DGCR2: variants seen among roughly 807,000 people sequenced by gnomAD.
DGCR2 encodes integral membrane protein DGCR2/IDD.
DGCR2 carries 24 observed loss-of-function variants against 51.6 expected under a neutral mutation model. That is an observed-to-expected ratio of 0.47 (90% CI 0.34 to 0.65). DGCR2 has a LOEUF of 0.65. DGCR2 is among the 30% of genes least tolerant of loss of function. DGCR2 has a pLI of 0.01. For missense variants in DGCR2, 765 were observed against 772.1 expected (o/e 0.99, Z 0.11); for synonymous variants, 340 against 315.4 (o/e 1.08, Z -0.82).
chr22:19,042,097 G>A (rs2082439594), intron 7 of DGCR2, 138 bp from the exon 8 acceptor site: 2 of 1,034,518 alleles, frequency 1.9e-6, no homozygotes, highest in South Asian at 1.7e-5. Context: ...CCATCTTTAG[G>A]ATACATGTGA....
chr22:19,109,362 A>G (rs2083291410), intron 1 of DGCR2, among the ~76,000 whole-genome samples: 1 of 152,206 alleles, frequency 6.6e-6, no homozygotes, highest in Admixed American at 6.5e-5. Flanking sequence ...TGCTCACAGA[A>G]GTACTACTCA....
Position 19,062,779 on chromosome 22 carries a change from A to ACTCTCTCTCTCTCTCTCTCTCTCTCT in DGCR2, c.625+397_625+422dup, listed in dbSNP as rs11471797. On this transcript the variant is annotated intron_variant, in intron 5 of 9. Coordinates refer to ENST00000263196, the MANE Select transcript of DGCR2 (RefSeq NM_005137.3). Reference sequence around the variant, plus strand: ...TGCGCACACACACACATGCATGCTCACTCTCTCTCTCTCTCTCTCTCTCTC... The same window carrying ACTCTCTCTCTCTCTCTCTCTCTCTCT: ...TGCGCACACACACACATGCATGCTCACTCTCTCTCTCTCTCTCTCTCTCTCTCTCTCTCTCTCTCTCTCTCTCTCTC... Among the ~76,000 whole-genome samples, 152 of 127,420 alleles carry ACTCTCTCTCTCTCTCTCTCTCTCTCT rather than the reference A, an allele frequency of 1.2e-3. 1 individual carries two copies. The highest frequency in any genetic ancestry group is 5.5e-3 in the South Asian group (19 of 3,476). 83.6% of individuals were successfully genotyped at this position (127,420 alleles called of 152,430 possible). A position where few individuals can be genotyped will look rare whatever the true frequency, so the allele number is the denominator to read the frequency against.
intron 1 of DGCR2, among the ~76,000 whole-genome samples, chr22:19,105,183 C>T (rs897595780): frequency 2.0e-5 from 3 of 152,122 alleles, no homozygotes; most frequent in Admixed American, 1.3e-4. Context: ...ATTAGCTGGG[C>T]GTGGTGGCGC....
intron 2 of DGCR2, among the ~76,000 whole-genome samples, chr22:19,083,187 G>C (rs1324661216): frequency 1.3e-5 from 2 of 152,170 alleles, no homozygotes; most frequent in Non-Finnish European, 2.9e-5. Context: ...TGTATGTTGT[G>C]AGTTAGGGAT....
At chr22:19,117,204 CAG>C (rs2083382541) in intron 1 of DGCR2, among the ~76,000 whole-genome samples, 1 of 152,218 alleles carries the variant, frequency 6.6e-6, no homozygotes, top group East Asian at 1.9e-4. Context: ...TATAATCACT[CAG>C]TACTCTGGGA....
At chr22:19,074,506 C>T (rs1367037080) in intron 2 of DGCR2, among the ~76,000 whole-genome samples, 1 of 151,862 alleles carries the variant, frequency 6.6e-6, no homozygotes, top group African/African-American at 2.4e-5. Context: ...GCACTGAAAG[C>T]AGGCAAGACC....
intron 1 of DGCR2, among the ~76,000 whole-genome samples, chr22:19,113,964 C>G (rs2083345353): frequency 6.7e-6 from 1 of 148,818 alleles, no homozygotes; most frequent in Admixed American, 6.9e-5. Flanking sequence ...GAGGTTGAGG[C>G]AGCATAATCA....
At chr22:19,112,616 G>A (rs1296987511) in intron 1 of DGCR2, among the ~76,000 whole-genome samples, 5 of 143,342 alleles carry the variant, frequency 3.5e-5, no homozygotes, top group Non-Finnish European at 7.7e-5. Context: ...GCTAATTTTT[G>A]TAGTTTTTGC....
intron 1 of DGCR2, among the ~76,000 whole-genome samples, chr22:19,114,067 A>G (rs1336682045): frequency 6.8e-5 from 5 of 73,498 alleles, no homozygotes; most frequent in African/African-American, 2.7e-4. Flanking sequence ...TTGAGGAAAA[A>G]AAAAAAAAAA....
intron 2 of DGCR2, among the ~76,000 whole-genome samples, chr22:19,074,759 G>C (rs533735240): frequency 5.9e-5 from 9 of 152,246 alleles, no homozygotes; most frequent in African/African-American, 2.2e-4. Flanking sequence ...AAAATTTGAA[G>C]TAGACAATCA....
At chr22:19,096,045 T>C (rs1258252674) in intron 1 of DGCR2, among the ~76,000 whole-genome samples, 1 of 152,180 alleles carries the variant, frequency 6.6e-6, no homozygotes, top group Non-Finnish European at 1.5e-5. Context: ...AATCAGCAAT[T>C]GGGACATGCT....
rs116548381 is a variant in DGCR2, at chr22:19,117,905, C to G, written c.79+4223G>C. 3.9e-3 allele frequency among the ~76,000 whole-genome samples: 600 copies of G among 152,310 alleles called. 6 individuals are homozygous for G. Among genetic ancestry groups the G allele is most frequent in the African/African-American group, 0.014 (578 of 41,558 alleles). ...CCAGTGGACAAACTCTACAAAGTGTCACAGTACTGGCTACAGAGGAAAGCA... is the reference window on the plus strand; with the variant it reads ...CCAGTGGACAAACTCTACAAAGTGTGACAGTACTGGCTACAGAGGAAAGCA... On this transcript the variant is annotated intron_variant, in intron 1 of 9. Coordinates refer to ENST00000263196, the MANE Select transcript of DGCR2 (RefSeq NM_005137.3).
intron 1 of DGCR2, among the ~76,000 whole-genome samples, chr22:19,115,950 AT>A (rs2083368818): frequency 6.6e-6 from 1 of 152,184 alleles, no homozygotes; most frequent in African/African-American, 2.4e-5. Context: ...TAACACTAAC[AT>A]TTTGCCTGAT....
intron 1 of DGCR2, among the ~76,000 whole-genome samples, chr22:19,097,477 G>A (rs1171358174): frequency 6.6e-6 from 1 of 152,094 alleles, no homozygotes; most frequent in South Asian, 2.1e-4. Context: ...GCTCGAATCC[G>A]GGAGGCGGAA....
At chr22:19,054,678 C>T (rs1262950748) in intron 6 of DGCR2, among the ~76,000 whole-genome samples, 1 of 150,844 alleles carries the variant, frequency 6.6e-6, no homozygotes, top group East Asian at 1.9e-4. Flanking sequence ...CTGTACTGTG[C>T]TATGATCGTG....
At chr22:19,076,349 G>A (rs1047212171) in intron 2 of DGCR2, among the ~76,000 whole-genome samples, 1 of 149,678 alleles carries the variant, frequency 6.7e-6, no homozygotes, top group African/African-American at 2.6e-5. Flanking sequence ...ATTTTTGGTA[G>A]AGACGGGGTT....
intron 2 of DGCR2, among the ~76,000 whole-genome samples, chr22:19,076,092 G>A (rs1187283250): frequency 6.6e-6 from 1 of 151,752 alleles, no homozygotes; most frequent in Non-Finnish European, 1.5e-5. Context: ...CCCAGTAGCT[G>A]AAATTAACAG....
intron 7 of DGCR2, among the ~76,000 whole-genome samples, chr22:19,042,935 C>A (rs142778545): frequency 6.6e-6 from 1 of 152,138 alleles, no homozygotes; most frequent in Non-Finnish European, 1.5e-5. Flanking sequence ...CTGGCATACA[C>A]GTGCAGATGA....
intron 5 of DGCR2, among the ~76,000 whole-genome samples, chr22:19,058,075 C>T (rs930256205): frequency 6.6e-6 from 1 of 152,196 alleles, no homozygotes; most frequent in African/African-American, 2.4e-5. Flanking sequence ...CAGCTCACCC[C>T]ATTTATAAGC....
Sources: gnomAD v4.1 joint callset for allele counts (sites outside exome capture counted in the v4.1 genomes callset) on GRCh38, gnomAD v4.1.1 for gene constraint, MANE v1.5 for transcripts, NCBI Gene and HGNC (gene_info 2026-07-23, HGNC 2026-07-21) for gene names.